NEK10: variants seen among roughly 807,000 people sequenced by gnomAD.
NEK10 encodes the protein NIMA related kinase 10.
Under a neutral mutation model 159.8 loss-of-function variants are expected in NEK10, and 122 were observed. The observed-to-expected ratio is 0.76, with a 90% confidence interval of 0.66 to 0.89. The LOEUF (loss-of-function observed/expected upper bound fraction) is 0.89. Ranked by LOEUF, NEK10 falls within the 40% of genes least tolerant of loss-of-function variation. NEK10 has a pLI of 0.00. For missense variants in NEK10, 1,342 were observed against 1,323.1 expected, an observed-to-expected ratio of 1.01 and a Z score of -0.22; for synonymous variants, 466 against 457.1, an observed-to-expected ratio of 1.02 and a Z score of -0.25.
chr3:27,129,892 T>C (rs905199864), intron 32 of NEK10, among the ~76,000 whole-genome samples: 2 of 151,996 alleles, frequency 1.3e-5, no homozygotes, highest in African/African-American at 4.8e-5. Flanking sequence ...AAGAAAGGTT[T>C]TTTTTTTTTG....
chr3:27,293,377 T>A (rs1457115858), intron 16 of NEK10, among the ~76,000 whole-genome samples: 4 of 152,236 alleles, frequency 2.6e-5, no homozygotes, highest in Non-Finnish European at 5.9e-5. Context: ...TTTATGCTCT[T>A]TCATCATCAT....
Position 27,264,566 on chromosome 3 carries a change from A to G in NEK10, c.2015-8195T>C, listed in dbSNP as rs1292751058. 7.2e-5 allele frequency among the ~76,000 whole-genome samples: 11 copies of G among 152,224 alleles called. No individual in the cohort carries two copies. The South Asian group carries it at 2.3e-3, about 31-fold the overall frequency. ...ATATATCCATGTAACAAACATGCACATATAGCCCCTGAATCCAAAATAATT... is the reference window on the plus strand; with the variant it reads ...ATATATCCATGTAACAAACATGCACGTATAGCCCCTGAATCCAAAATAATT... On this transcript the variant is annotated intron_variant, in intron 22 of 35. Transcript: ENST00000691995.
In NEK10 at chr3:27,256,328, G is replaced by A. The variant is rs1483120990; in HGVS notation, c.2058C>T (p.Leu686=). ...LAKQKQENSK[L]TSVVGTILYS... ...ACAGGATTGTTCCAACCACAGAGGTGAGTTTACTGTTTTCTTGTTTTTGCT... is the reference window on the plus strand; with the variant it reads ...ACAGGATTGTTCCAACCACAGAGGTAAGTTTACTGTTTTCTTGTTTTTGCT... Residue 686 remains leucine, a synonymous_variant, in exon 23 of 36, where the codon CTC becomes CTT. Coordinates refer to ENST00000691995, the MANE Select transcript of NEK10 (RefSeq NM_001394966.1). The A allele has an allele frequency of 6.4e-7, 1 of 1,570,532 alleles. No homozygotes were observed. The highest frequency in any genetic ancestry group is 1.9e-5 in the Admixed American group (1 of 52,042).
intron 30 of NEK10, among the ~76,000 whole-genome samples, chr3:27,158,034 C>A (rs1023903953): frequency 6.6e-6 from 1 of 152,052 alleles, no homozygotes; most frequent in South Asian, 2.1e-4. Context: ...GTAAACATAA[C>A]CTTTATGTGC....
In NEK10 at chr3:27,107,260, T is replaced by C. The variant is rs1396790477; in HGVS notation, c.*4012A>G. ...ATATCCATCAGACACCCCATGAAAC[T>C]CATAAAATCTTTCCTGTCCCTCTTG... On this transcript the variant is annotated 3_prime_UTR_variant, in exon 36 of 36. Transcript: ENST00000691995. Among the ~76,000 whole-genome samples the C allele has an allele frequency of 1.3e-5, 2 of 151,972 alleles. No individual in the cohort carries two copies. Among genetic ancestry groups the C allele is most frequent in the African/African-American group, 2.4e-5 (1 of 41,376 alleles).
At chr3:27,141,985 T>TTGA (rs1442578422) in intron 30 of NEK10, among the ~76,000 whole-genome samples, 2 of 152,210 alleles carry the variant, frequency 1.3e-5, no homozygotes, top group African/African-American at 4.8e-5. Context: ...ATAACATATT[T>TTGA]TAAGACTAAT....
intron 13 of NEK10, 55 bp downstream of exon 13, chr3:27,301,641 G>A (rs1204922559): frequency 7.4e-7 from 1 of 1,343,636 alleles, no homozygotes; most frequent in Non-Finnish European, 1.0e-6. Context: ...CTATGATAGT[G>A]AATAATAATA....
chr3:27,207,692 A>C (rs1298530299), intron 23 of NEK10, among the ~76,000 whole-genome samples: 2 of 152,210 alleles, frequency 1.3e-5, no homozygotes, highest in Non-Finnish European at 2.9e-5. Context: ...TCTATTAAAA[A>C]GTACATTTAG....
intron 5 of NEK10, among the ~76,000 whole-genome samples, chr3:27,328,710 A>T (rs1299837664): frequency 1.3e-5 from 2 of 152,094 alleles, no homozygotes; most frequent in African/African-American, 2.4e-5. Flanking sequence ...TCTGAAGGAG[A>T]TCTTGAAAAA....
At chr3:27,250,905 G>A (rs926373616) in intron 23 of NEK10, among the ~76,000 whole-genome samples, 3 of 151,902 alleles carry the variant, frequency 2.0e-5, no homozygotes, top group Admixed American at 6.6e-5. Context: ...TCTTCTTTAG[G>A]TTAAATCCGC....
At chr3:27,358,780 T>C (rs62257163) in intron 1 of NEK10, among the ~76,000 whole-genome samples, 34,197 of 152,228 alleles carry the variant, frequency 0.22, 4,364 homozygotes, top group Middle Eastern at 0.37. Flanking sequence ...ACAGAGTCAT[T>C]TGAATCATTA....
chr3:27,280,252 C>T (rs1361360623), intron 22 of NEK10, among the ~76,000 whole-genome samples: 3 of 151,984 alleles, frequency 2.0e-5, no homozygotes, highest in Non-Finnish European at 4.4e-5. Context: ...TGGTGTCAGA[C>T]TCAGCAGAGC....
chr3:27,281,891 C>T (rs6788621), intron 22 of NEK10, among the ~76,000 whole-genome samples: 40,371 of 151,854 alleles, frequency 0.27, 5,495 homozygotes, highest in Middle Eastern at 0.39. Flanking sequence ...GAAAATAGTA[C>T]TGAGAGGGTT....
chr3:27,338,246 G>A lies in NEK10; in HGVS notation c.362+6026C>T, dbSNP rs148892259. 3.9e-5 allele frequency among the ~76,000 whole-genome samples: 6 copies of A among 152,222 alleles called. No individual in the cohort carries two copies. The East Asian group carries it at 9.7e-4, about 24-fold the overall frequency. On this transcript the variant is annotated intron_variant, in intron 5 of 35. Transcript: ENST00000691995. ...AAGGATGGTTTCCAGCTTCATCCAC[G>A]TCCCTGCAAAGGACATGAACTCATC...
At chr3:27,274,946 C>T (rs891797119) in intron 22 of NEK10, among the ~76,000 whole-genome samples, 1 of 152,188 alleles carries the variant, frequency 6.6e-6, no homozygotes, top group African/African-American at 2.4e-5. Flanking sequence ...ATTCCACCCC[C>T]TTCAGTTAAA....
chr3:27,205,549 T>C (rs78242206), intron 23 of NEK10, among the ~76,000 whole-genome samples: 22,344 of 92,232 alleles, frequency 0.24, 2,924 homozygotes, highest in African/African-American at 0.43. Context: ...TCAGAAATAA[T>C]GCCGCATACC....
intron 3 of NEK10, among the ~76,000 whole-genome samples, chr3:27,350,454 G>C (rs2047887644): frequency 6.6e-6 from 1 of 152,234 alleles, no homozygotes; most frequent in Non-Finnish European, 1.5e-5. Flanking sequence ...TTTACCAAAA[G>C]GAGAACAGGG....
intron 30 of NEK10, among the ~76,000 whole-genome samples, chr3:27,146,674 CAT>C (rs1216891777): frequency 2.6e-5 from 4 of 152,152 alleles, no homozygotes; most frequent in Non-Finnish European, 2.9e-5. Flanking sequence ...ATCTTGAACT[CAT>C]AAGGATTTCA....
chr3:27,120,489 AT>A (rs1394913914), intron 32 of NEK10, among the ~76,000 whole-genome samples: 1 of 125,718 alleles, frequency 8.0e-6, no homozygotes, highest in Non-Finnish European at 1.8e-5. Flanking sequence ...TGCCCAGCTA[AT>A]TTTTGTATTT....
Sources: gnomAD v4.1 joint callset for allele counts (sites outside exome capture counted in the v4.1 genomes callset) on GRCh38, gnomAD v4.1.1 for gene constraint, MANE v1.5 for transcripts, NCBI Gene and HGNC (gene_info 2026-07-23, HGNC 2026-07-21) for gene names.